The following INTS2 variants were observed in gnomAD, a reference collection of about 807,000 sequenced individuals.
INTS2 encodes KIAA1287.
INTS2 carries 57 observed loss-of-function variants against 139.6 expected under a neutral mutation model. The ratio of observed to expected loss-of-function variants is 0.41; its 90% CI spans 0.33 to 0.51. The LOEUF (loss-of-function observed/expected upper bound fraction) is 0.51. Among genes scored for constraint, INTS2 ranks in the 20% least tolerant of loss-of-function variants. INTS2 has a pLI of 0.28. For missense variants in INTS2, 1,196 were observed against 1,436.7 expected (o/e 0.83, Z 2.71); for synonymous variants, 473 against 493.4 (o/e 0.96, Z 0.55).
At chr17:61,874,142 A>G (rs1457483849) in intron 19 of INTS2, 1 of 152,224 alleles carries the variant, frequency 6.6e-6, no homozygotes, top group Non-Finnish European at 1.5e-5. Context: ...GTACCTGATT[A>G]TGATCAATCA....
rs2079119016 is a variant in INTS2 at position 61,875,357 on chromosome 17, A to G, written c.2457-319T>C. Among the ~76,000 whole-genome samples, 1 of 152,178 alleles carries G rather than the reference A, an allele frequency of 6.6e-6. No homozygotes were observed. Among genetic ancestry groups the G allele is most frequent in the Non-Finnish European group, 1.5e-5 (1 of 68,026 alleles). On this transcript the variant is annotated intron_variant, in intron 18 of 24. Transcript: ENST00000251334. This position sits in a 1 kb window ranked among gnomAD's most constrained non-coding sequence, Gnocchi z 4.6. ...CTATATGACTCTGTGTAAGTCACTG[A>G]GGCTCTCTAAACTGTTTCCTCGTCT...
In INTS2 at chr17:61,869,176, G is replaced by T; in HGVS notation, c.3139-37C>A. The T allele has an allele frequency of 6.7e-7, 1 of 1,495,948 alleles. No individual in the cohort carries two copies. The highest frequency in any genetic ancestry group is 9.3e-7 in the Non-Finnish European group (1 of 1,075,830). The allele number at this position is 1,495,948 out of a possible 1,614,324, so 92.7% of individuals were successfully genotyped here. On this transcript the variant is annotated intron_variant, in intron 22 of 24. Transcript: ENST00000251334. The surrounding 1 kb of genome is among the most constrained non-coding windows in gnomAD (Gnocchi z 5.4). ...AATCCAGTTATTACATGTTTCTCAAGAATATCTTTAGGTATTAAAAATTAT... is the reference window on the plus strand; with the variant it reads ...AATCCAGTTATTACATGTTTCTCAATAATATCTTTAGGTATTAAAAATTAT...
At position 61,871,924 on chromosome 17, in the gene INTS2, ACT is replaced by A. The variant is rs1156798819; in HGVS notation, c.2778+339_2778+340del. 6.2e-6 allele frequency: 1 copy of A among 160,692 alleles called. No homozygotes were observed. The highest frequency in any genetic ancestry group is 1.4e-5 in the Non-Finnish European group (1 of 73,924). The allele number at this position is 160,692 out of a possible 1,614,324, so 10.0% of individuals were successfully genotyped here. A position where few individuals can be genotyped will look rare whatever the true frequency, so the allele number is the denominator to read the frequency against. On this transcript the variant is annotated intron_variant, in intron 20 of 24. Transcript: ENST00000251334. The surrounding 1 kb of genome is among the most constrained non-coding windows in gnomAD (Gnocchi z 4.9). ...ACTCCAGCCTGGGTGACAGGGCGAA[ACT>A]CTGTCTCAAAAAACAAAAAAAACAA...
intron 4 of INTS2, among the ~76,000 whole-genome samples, chr17:61,920,797 C>G (rs1252111862): frequency 2.0e-5 from 3 of 150,900 alleles, no homozygotes; most frequent in African/African-American, 7.3e-5. Flanking sequence ...AGTGAGACTC[C>G]ATCTCAAAAA....
chr17:61,925,183 C>G, intron 2 of INTS2, 84 bp from the exon 3 acceptor site: 2 of 1,265,772 alleles, frequency 1.6e-6, no homozygotes, highest in Non-Finnish European at 2.2e-6. Flanking sequence ...TTGAAATAAG[C>G]TATAAAAGGA....
chr17:61,884,320 G>A (rs1469018968), intron 16 of INTS2, among the ~76,000 whole-genome samples: 1 of 152,036 alleles, frequency 6.6e-6, no homozygotes, highest in African/African-American at 2.4e-5. Context: ...GTGAAACCCT[G>A]TCTCTACTAA....
chr17:61,889,393 A>G (rs2079267082), intron 15 of INTS2, among the ~76,000 whole-genome samples: 1 of 152,026 alleles, frequency 6.6e-6, no homozygotes, highest in South Asian at 2.1e-4. Context: ...GGCCTTTTCT[A>G]TTGTTTTTGA....
intron 12 of INTS2, among the ~76,000 whole-genome samples, chr17:61,894,678 C>T (rs2079329319): frequency 6.6e-6 from 1 of 151,994 alleles, no homozygotes; most frequent in Non-Finnish European, 1.5e-5. Context: ...GTGGTAAAAC[C>T]CCATCTCTAC....
At chr17:61,888,750 C>T (rs1397326753) in intron 15 of INTS2, among the ~76,000 whole-genome samples, 3 of 151,990 alleles carry the variant, frequency 2.0e-5, no homozygotes, top group Admixed American at 6.6e-5. Context: ...TTCGGCCAGG[C>T]GCAGTGGCTC....
intron 5 of INTS2, among the ~76,000 whole-genome samples, chr17:61,915,341 AAAATAAATAAAT>A (rs58856021): frequency 3.3e-4 from 46 of 141,400 alleles, no homozygotes; most frequent in African/African-American, 5.1e-4. Context: ...CCGTCTCAAA[AAAATAAATAAAT>A]AAATAAATAA....
Position 61,893,959 on chromosome 17 carries a change from G to A in INTS2, c.1564-60C>T, listed in dbSNP as rs2145931426. 1 of 1,207,512 alleles carries A rather than the reference G, an allele frequency of 8.3e-7. No homozygotes were observed. The highest frequency in any genetic ancestry group is 1.1e-6 in the Non-Finnish European group (1 of 875,120). The allele number at this position is 1,207,512 out of a possible 1,614,324, so 74.8% of individuals were successfully genotyped here. On this transcript the variant is annotated intron_variant, in intron 12 of 24. Coordinates refer to ENST00000251334, the MANE Select transcript of INTS2 (RefSeq NM_001351695.2). The surrounding 1 kb of genome is among the most constrained non-coding windows in gnomAD (Gnocchi z 5.4). ...AACTAAATATAAAATTATTTTGAAAGAGAGATTAGTAAGTAGACTGTCAAC... is the reference window on the plus strand; with the variant it reads ...AACTAAATATAAAATTATTTTGAAAAAGAGATTAGTAAGTAGACTGTCAAC...
At position 61,869,012 on chromosome 17, in the gene INTS2, TTGA is replaced by T; in HGVS notation, c.3244+19_3244+21del. The T allele has an allele frequency of 1.6e-6, 2 of 1,288,802 alleles. No individual in the cohort carries two copies. Among genetic ancestry groups the T allele is most frequent in the South Asian group, 2.5e-5 (2 of 80,846 alleles). 79.8% of individuals were successfully genotyped at this position (1,288,802 alleles called of 1,614,324 possible). The stretch of plus-strand genomic sequence containing the variant: ...TATAATAATTTATGTCAGATGTTTG[TTGA>T]TGTTGATTGGCTACATACCTGTTAA... On this transcript the variant is annotated intron_variant, in intron 23 of 24. Transcript: ENST00000251334. The surrounding 1 kb of genome is among the most constrained non-coding windows in gnomAD (Gnocchi z 5.4).
chr17:61,900,102 C>T (rs891858082), intron 9 of INTS2, among the ~76,000 whole-genome samples: 6 of 152,052 alleles, frequency 3.9e-5, no homozygotes, highest in African/African-American at 1.4e-4. Context: ...GACAACACCA[C>T]AAAATACTGG....
chr17:61,922,792 A>G (rs2079660545), intron 3 of INTS2, among the ~76,000 whole-genome samples: 1 of 151,980 alleles, frequency 6.6e-6, no homozygotes, highest in South Asian at 2.1e-4. Flanking sequence ...AAAGTATCAA[A>G]ATAGGCTGGG....
chr17:61,870,008 A>T lies in INTS2; in HGVS notation c.2779-20T>A. On this transcript the variant is annotated intron_variant, in intron 20 of 24. Transcript: ENST00000251334. The surrounding 1 kb of genome is among the most constrained non-coding windows in gnomAD (Gnocchi z 4.4). ...ACTATCCTATAAGCAAACAAAACAT[A>T]GAAAAAGTAAGAAGTTTCTAAGAAG... 3.8e-6 allele frequency: 6 copies of T among 1,580,586 alleles called. No individual in the cohort carries two copies. Among genetic ancestry groups the T allele is most frequent in the Non-Finnish European group, 5.2e-6 (6 of 1,164,040 alleles).
At position 61,909,815 on chromosome 17, in the gene INTS2, A is replaced by ATATATATGTG. The variant is rs1555625118; in HGVS notation, c.954+1704_954+1705insCACATATATA. The stretch of plus-strand genomic sequence containing the variant: ...TATACATATATACGTGTGTGTGTAC[A>ATATATATGTG]TGTGTGTATGTGTGTGTGTGTGTGT... On this transcript the variant is annotated intron_variant, in intron 7 of 24. Coordinates refer to ENST00000251334, the MANE Select transcript of INTS2 (RefSeq NM_001351695.2). The surrounding 1 kb of genome is among the most constrained non-coding windows in gnomAD (Gnocchi z 4.9). Among the ~76,000 whole-genome samples, 1 of 72,552 alleles carries ATATATATGTG rather than the reference A, an allele frequency of 1.4e-5. No individual in the cohort carries two copies. The highest frequency in any genetic ancestry group is 8.6e-4 in the East Asian group (1 of 1,162). 47.6% of individuals were successfully genotyped at this position (72,552 alleles called of 152,430 possible). A position where few individuals can be genotyped will look rare whatever the true frequency, so the allele number is the denominator to read the frequency against.
At chr17:61,919,159 G>A (rs2079613362) in intron 5 of INTS2, among the ~76,000 whole-genome samples, 1 of 151,940 alleles carries the variant, frequency 6.6e-6, no homozygotes, top group Non-Finnish European at 1.5e-5. Flanking sequence ...TTCTGACCTT[G>A]TGATCTGCCC....
chr17:61,897,534 T>C lies in INTS2; in HGVS notation c.1429A>G (p.Met477Val). The C allele has an allele frequency of 1.9e-6, 3 of 1,605,032 alleles. No homozygotes were observed. Among genetic ancestry groups the C allele is most frequent in the Non-Finnish European group, 2.6e-6 (3 of 1,175,634 alleles). The change falls in exon 11 of 25, where the codon ATG (methionine) becomes GTG (valine). Residue 477 changes from methionine (M) to valine (V), a missense_variant. Physicochemically the swap from Met to Val is conservative, Grantham distance 21. Transcript: ENST00000251334. This position sits in a 1 kb window ranked among gnomAD's most constrained non-coding sequence, Gnocchi z 4.4. ...CTAAGCTGGTTGCTGTGAAAGTACA[T>C]AGCCACCAATAATAACATCTCCCCA... ...SFGEMLLLVAMYFHSNQLSAI... is the reference protein window; with the variant it reads ...SFGEMLLLVAVYFHSNQLSAI...
intron 14 of INTS2, 60 bp from the exon 15 acceptor site, chr17:61,889,954 T>C: frequency 9.8e-7 from 1 of 1,017,046 alleles, no homozygotes; most frequent in Non-Finnish European, 1.5e-6. Flanking sequence ...CTTTTTTTTT[T>C]CTTGATAGTA....
Sources: gnomAD v4.1 joint callset for allele counts (sites outside exome capture counted in the v4.1 genomes callset) on GRCh38, gnomAD v4.1.1 for gene constraint, Gnocchi (gnomAD v3.1) non-coding constraint, MANE v1.5 for transcripts, NCBI Gene and HGNC (gene_info 2026-07-23, HGNC 2026-07-21) for gene names.